Variants in ANP32B observed in about 807,000 individuals in gnomAD.
ANP32B encodes the protein acidic nuclear phosphoprotein 32 family member B, also known as acidic leucine-rich nuclear phosphoprotein 32 family member B.
Under a neutral mutation model 32.2 loss-of-function variants are expected in ANP32B, and 6 were observed. The observed-to-expected ratio is 0.19, with a 90% CI of 0.10 to 0.37. The LOEUF is 0.37. Ranked by LOEUF, ANP32B falls within the 10% of genes least tolerant of loss-of-function variation. ANP32B has a pLI of 1.00. For missense variants in ANP32B, 204 were observed against 289.2 expected (o/e 0.71, Z 2.14); for synonymous variants, 98 against 105.8 (o/e 0.93, Z 0.45).
chr9:98,005,270 G>C, intron 4 of ANP32B, 117 bp downstream of exon 4: 1 of 968,150 alleles, frequency 1.0e-6, no homozygotes, highest in Non-Finnish European at 1.5e-6. Flanking sequence ...ACTTTGGGTG[G>C]CCGAGGCAGG....
Position 97,983,462 on chromosome 9 carries a change from C to T in ANP32B, c.-94C>T. 1 of 1,214,244 alleles carries T rather than the reference C, an allele frequency of 8.2e-7. No homozygotes were observed. The highest frequency in any genetic ancestry group is 1.2e-6 in the Non-Finnish European group (1 of 857,232). The allele number at this position is 1,214,244 out of a possible 1,614,324, so 75.2% of individuals were successfully genotyped here. A position where few individuals can be genotyped will look rare whatever the true frequency, so the allele number is the denominator to read the frequency against. Reference sequence around the variant, plus strand: ...CGCCGGCCTCCGCCGCTAGCAAACCCTTCCGACGGCCCTCGCTGCGCAAGC... The same window carrying T: ...CGCCGGCCTCCGCCGCTAGCAAACCTTTCCGACGGCCCTCGCTGCGCAAGC... On this transcript the variant is annotated 5_prime_UTR_variant, in exon 1 of 7. Coordinates refer to ENST00000339399, the MANE Select transcript of ANP32B (RefSeq NM_006401.3).
At chr9:97,991,135 T>TA (rs1351763797) in intron 1 of ANP32B, among the ~76,000 whole-genome samples, 2 of 151,328 alleles carry the variant, frequency 1.3e-5, no homozygotes, top group African/African-American at 4.9e-5. Context: ...ACTTTTTTTT[T>TA]TTTTAACTGG....
chr9:97,984,789 AC>A (rs914904334), intron 1 of ANP32B: 9 of 145,610 alleles, frequency 6.2e-5, no homozygotes, highest in African/African-American at 2.3e-4. Flanking sequence ...CGCGCTGCCG[AC>A]CCCCTCCCCC....
chr9:97,989,836 T>G (rs554359450), intron 1 of ANP32B, among the ~76,000 whole-genome samples: 1 of 152,106 alleles, frequency 6.6e-6, no homozygotes, highest in African/African-American at 2.4e-5. Context: ...AGAGTTGATA[T>G]AAAGATTGTT....
intron 4 of ANP32B, among the ~76,000 whole-genome samples, chr9:98,006,152 A>G (rs1828078562): frequency 6.9e-6 from 1 of 144,854 alleles, no homozygotes; most frequent in African/African-American, 2.4e-5. Flanking sequence ...GAGTGGCTGC[A>G]AATACAGATT....
chr9:98,002,774 A>C (rs560987630), intron 3 of ANP32B, among the ~76,000 whole-genome samples: 1 of 152,366 alleles, frequency 6.6e-6, no homozygotes, highest in African/African-American at 2.4e-5. Context: ...GGAAGAGTCA[A>C]TGAAACTAGA....
At chr9:98,014,367 C>T (rs1828239131) in intron 6 of ANP32B, among the ~76,000 whole-genome samples, 1 of 151,706 alleles carries the variant, frequency 6.6e-6, no homozygotes, top group Non-Finnish European at 1.5e-5. Flanking sequence ...GAGATCAAGC[C>T]ACTGCACTCC....
intron 3 of ANP32B, among the ~76,000 whole-genome samples, chr9:98,002,102 TAGGAGA>T (rs968140297): frequency 3.3e-5 from 5 of 152,170 alleles, no homozygotes; most frequent in African/African-American, 9.7e-5. Context: ...AGTAAATCTG[TAGGAGA>T]AGGTGAAGGG....
rs1828202738 is a variant in ANP32B, at chr9:98,012,462, TGAG to T, written c.681_683del (p.Glu227del). On this transcript the variant is annotated inframe_deletion, in exon 6 of 7. Coordinates refer to ENST00000339399, the MANE Select transcript of ANP32B (RefSeq NM_006401.3). Reference sequence around the variant, plus strand: ...TTGATGAAGAAGATGAAGATGAGGATGAGGATGAAGGTGGGCCTAATGCATGCA... The same window carrying T: ...TTGATGAAGAAGATGAAGATGAGGATGATGAAGGTGGGCCTAATGCATGCA... 8 of 1,612,768 alleles carry T rather than the reference TGAG, an allele frequency of 5.0e-6. No individual in the cohort carries two copies. The highest frequency in any genetic ancestry group is 4.2e-6 in the Non-Finnish European group (5 of 1,179,658).
chr9:98,003,732 T>C (rs1007184067), intron 3 of ANP32B, among the ~76,000 whole-genome samples: 3 of 152,238 alleles, frequency 2.0e-5, no homozygotes, highest in African/African-American at 7.2e-5. Context: ...AGCATCAACA[T>C]TTATTTTTTT....
intron 1 of ANP32B, chr9:97,984,573 G>GCC (rs1554723219): frequency 2.7e-5 from 4 of 150,704 alleles, no homozygotes; most frequent in Admixed American, 6.6e-5. Flanking sequence ...ACAGGCCGCC[G>GCC]CAGCGCCATG....
At chr9:97,984,639 C>G (rs1233787606) in intron 1 of ANP32B, 3 of 150,774 alleles carry the variant, frequency 2.0e-5, no homozygotes, top group Non-Finnish European at 4.4e-5. Flanking sequence ...CTTGGCCTTG[C>G]CCGCCCGCCC....
Position 98,011,432 on chromosome 9 carries a change from C to T in ANP32B, c.636+43C>T, listed in dbSNP as rs138358910. The T allele has an allele frequency of 1.5e-4, 225 of 1,551,460 alleles. 1 individual carries two copies. In the African/African-American group the frequency reaches 2.7e-3, roughly 18 times the overall value. ...CTACCCTGCTTCCTATTTGTAATTA[C>T]AACAAAAGTGGGGGTTTCAAAAAGA... On this transcript the variant is annotated intron_variant, in intron 5 of 6. Transcript: ENST00000339399.
chr9:98,004,803 A>G (rs1426009652), intron 3 of ANP32B, 161 bp from the exon 4 acceptor site: 6 of 526,908 alleles, frequency 1.1e-5, no homozygotes, highest in East Asian at 3.2e-5. Context: ...CTAGTAACCT[A>G]ATATAAAGGT....
rs149388615 is a variant in ANP32B, at chr9:98,006,621, C to G, written c.517+1468C>G. Among the ~76,000 whole-genome samples, 90 of 152,308 alleles carry G rather than the reference C, an allele frequency of 5.9e-4. No individual in the cohort carries two copies. The East Asian group carries it at 0.013, about 22-fold the overall frequency. ...TACTTAAATTACAGGTTCATTGCAA[C>G]AGATGATTCACATTCTCCAAGCCCA... is the stretch of plus-strand genomic sequence containing the variant. On this transcript the variant is annotated intron_variant, in intron 4 of 6. Coordinates refer to ENST00000339399, the MANE Select transcript of ANP32B (RefSeq NM_006401.3).
At chr9:97,985,111 C>G (rs1395349256) in intron 1 of ANP32B, among the ~76,000 whole-genome samples, 2 of 151,068 alleles carry the variant, frequency 1.3e-5, no homozygotes, top group Admixed American at 1.3e-4. Context: ...AGCGCCGCGG[C>G]CGGGTGCCCC....
Position 98,011,317 on chromosome 9 carries a change from G to A in ANP32B, c.564G>A (p.Glu188=), listed in dbSNP as rs112160758. The A allele has an allele frequency of 5.2e-6, 8 of 1,548,828 alleles. No homozygotes were observed. The East Asian group carries it at 9.7e-5, about 19-fold the overall frequency. The change falls in exon 5 of 7, where the codon GAG becomes GAA. Residue 188 remains glutamate (E), a synonymous_variant. Transcript: ENST00000339399. ...AGGACGATGAGGATGGTGAAGAAGA[G>A]GAGTTTGATGAAGAAGATGATGAAG... The part of the protein sequence containing the change: ...EDEDDEDGEE[E]EFDEEDDEDE...
intron 1 of ANP32B, among the ~76,000 whole-genome samples, chr9:97,989,143 A>G (rs891704753): frequency 4.6e-5 from 7 of 152,208 alleles, no homozygotes; most frequent in African/African-American, 1.7e-4. Flanking sequence ...ACCTAGACTC[A>G]TCATAACTTA....
At chr9:98,014,981 G>C (rs868161622) in intron 6 of ANP32B, among the ~76,000 whole-genome samples, 1 of 152,224 alleles carries the variant, frequency 6.6e-6, no homozygotes, top group African/African-American at 2.4e-5. Context: ...TGGAACTCCT[G>C]ACCTCAGGTG....
Sources: allele counts gnomAD v4.1 joint callset (sites outside exome capture counted in the v4.1 genomes callset), GRCh38; gene constraint gnomAD v4.1.1; transcripts MANE v1.5; gene names NCBI Gene and HGNC (gene_info 2026-07-23, HGNC 2026-07-21).